Variants in SMAP1 observed in about 807,000 individuals in gnomAD.
The protein encoded by SMAP1 is stromal membrane-associated protein 1.
SMAP1 carries 24 observed loss-of-function variants against 58.5 expected under a neutral mutation model. The ratio of observed to expected loss-of-function variants is 0.41; its 90% CI spans 0.30 to 0.58. The LOEUF is 0.58. Among genes scored for constraint, SMAP1 ranks in the 20% least tolerant of loss-of-function variants. SMAP1 has a pLI of 0.29. For synonymous variants in SMAP1, 216 were observed against 196.6 expected (o/e 1.10, Z -0.82); for missense variants, 563 against 566.3 (o/e 0.99, Z 0.06).
At chr6:70,733,357 A>G (rs947080226) in intron 2 of SMAP1, among the ~76,000 whole-genome samples, 1 of 152,202 alleles carries the variant, frequency 6.6e-6, no homozygotes, top group Non-Finnish European at 1.5e-5. Context: ...TCCATCTTAA[A>G]TTAGTTTTTG....
chr6:70,714,299 T>A (rs1007976011), intron 1 of SMAP1, among the ~76,000 whole-genome samples: 4 of 152,182 alleles, frequency 2.6e-5, no homozygotes, highest in African/African-American at 9.6e-5. Context: ...GTTTTGTAGT[T>A]GTTTTGTCCT....
chr6:70,769,037 C>G (rs1306591406), intron 3 of SMAP1, among the ~76,000 whole-genome samples: 2 of 152,120 alleles, frequency 1.3e-5, no homozygotes, highest in African/African-American at 4.8e-5. Flanking sequence ...GCAGGTTGTT[C>G]AGTTTCCATG....
chr6:70,764,514 G>A (rs186933198), intron 3 of SMAP1, among the ~76,000 whole-genome samples: 1 of 152,224 alleles, frequency 6.6e-6, no homozygotes, highest in Non-Finnish European at 1.5e-5. Flanking sequence ...AAAATCCTAC[G>A]GCCCTTAAGA....
intron 1 of SMAP1, among the ~76,000 whole-genome samples, chr6:70,720,345 G>C (rs938931274): frequency 1.3e-5 from 2 of 152,216 alleles, no homozygotes; most frequent in African/African-American, 2.4e-5. Flanking sequence ...CTCTGCCCCT[G>C]TGGTTTTGCA....
chr6:70,793,898 C>T (rs1768483655), intron 5 of SMAP1, among the ~76,000 whole-genome samples: 2 of 151,872 alleles, frequency 1.3e-5, no homozygotes, highest in African/African-American at 2.4e-5. Flanking sequence ...CCATGCCTGG[C>T]TAATTATGTA....
intron 7 of SMAP1, among the ~76,000 whole-genome samples, chr6:70,850,984 A>C (rs1288533125): frequency 3.3e-5 from 5 of 152,156 alleles, no homozygotes; most frequent in Non-Finnish European, 5.9e-5. Flanking sequence ...TAGTTGTCTC[A>C]GTTTAAAATT....
At chr6:70,698,917 G>T (rs1767518163) in intron 1 of SMAP1, among the ~76,000 whole-genome samples, 1 of 152,154 alleles carries the variant, frequency 6.6e-6, no homozygotes, top group Non-Finnish European at 1.5e-5. Context: ...CATTTGGGGA[G>T]GTCATGTTTT....
intron 1 of SMAP1, among the ~76,000 whole-genome samples, chr6:70,679,649 A>G (rs1261286735): frequency 6.6e-6 from 1 of 152,238 alleles, no homozygotes; most frequent in Non-Finnish European, 1.5e-5. Flanking sequence ...AAACTGTGGG[A>G]TAAATTTAAC....
At chr6:70,683,248 G>T (rs1364996726) in intron 1 of SMAP1, among the ~76,000 whole-genome samples, 1 of 139,724 alleles carries the variant, frequency 7.2e-6, no homozygotes, top group African/African-American at 2.7e-5. Context: ...TCAGCTCATT[G>T]CAACCTCCGC....
chr6:70,704,379 T>C (rs1767753349), intron 1 of SMAP1, among the ~76,000 whole-genome samples: 1 of 152,210 alleles, frequency 6.6e-6, no homozygotes, highest in Admixed American at 6.5e-5. Flanking sequence ...ATAGAGGAAA[T>C]CTCCTGTGAT....
In SMAP1 at chr6:70,860,574, G is replaced by A. The variant is rs1339291524; in HGVS notation, c.*240G>A. ...CATATTTCCCATGATTTCATGTACT[G>A]CATTATTTGAGAAGCTGCTCAACTT... On this transcript the variant is annotated 3_prime_UTR_variant, in exon 11 of 11. Coordinates refer to ENST00000370455, the MANE Select transcript of SMAP1 (RefSeq NM_001044305.3). 9 of 439,770 alleles carry A rather than the reference G, an allele frequency of 2.0e-5. No individual in the cohort carries two copies. Among genetic ancestry groups the A allele is most frequent in the African/African-American group, 1.0e-4 (5 of 49,408 alleles). The allele number at this position is 439,770 out of a possible 1,614,324, so 27.2% of individuals were successfully genotyped here. A position where few individuals can be genotyped will look rare whatever the true frequency, so the allele number is the denominator to read the frequency against.
chr6:70,690,045 C>T (rs961977446), intron 1 of SMAP1, among the ~76,000 whole-genome samples: 2 of 151,932 alleles, frequency 1.3e-5, no homozygotes, highest in Non-Finnish European at 2.9e-5. Flanking sequence ...CTTTTATTTC[C>T]TTTTTCTTAT....
At chr6:70,759,816 C>A in intron 3 of SMAP1, 2 of 422,392 alleles carry the variant, frequency 4.7e-6, no homozygotes, top group South Asian at 3.4e-5. Context: ...AAATCCTTGA[C>A]GTTCGACACA....
intron 2 of SMAP1, among the ~76,000 whole-genome samples, chr6:70,741,523 C>T (rs1765814127): frequency 6.6e-6 from 1 of 152,162 alleles, no homozygotes; most frequent in African/African-American, 2.4e-5. Context: ...TGGCTTTGCC[C>T]CTGTGTCTTT....
chr6:70,853,788 G>A (rs1010176172), intron 8 of SMAP1, among the ~76,000 whole-genome samples: 1 of 152,138 alleles, frequency 6.6e-6, no homozygotes, highest in Non-Finnish European at 1.5e-5. Context: ...CTTACAAATT[G>A]GTACAGGCAT....
chr6:70,748,060 A>G (rs1266914062), intron 2 of SMAP1, among the ~76,000 whole-genome samples: 1 of 152,152 alleles, frequency 6.6e-6, no homozygotes, highest in Non-Finnish European at 1.5e-5. Context: ...TCCTGAGACC[A>G]AAAACGGTGG....
At chr6:70,812,167 C>T (rs547290692) in intron 6 of SMAP1, among the ~76,000 whole-genome samples, 3 of 152,268 alleles carry the variant, frequency 2.0e-5, no homozygotes, top group African/African-American at 7.2e-5. Context: ...CTGCTGTAGA[C>T]ACAAGATCTT....
At chr6:70,753,199 A>T (rs1277430164) in intron 2 of SMAP1, among the ~76,000 whole-genome samples, 2 of 152,316 alleles carry the variant, frequency 1.3e-5, no homozygotes, top group East Asian at 1.9e-4. Context: ...GACACCATCA[A>T]TTGTGAGATG....
intron 1 of SMAP1, among the ~76,000 whole-genome samples, chr6:70,700,232 C>G (rs984456431): frequency 2.0e-5 from 3 of 152,208 alleles, no homozygotes; most frequent in Non-Finnish European, 4.4e-5. Context: ...TAAAAGCTCC[C>G]TGAGGCTTCC....
Sources: allele counts gnomAD v4.1 joint callset (sites outside exome capture counted in the v4.1 genomes callset), GRCh38; gene constraint gnomAD v4.1.1; transcripts MANE v1.5; gene names NCBI Gene and HGNC (gene_info 2026-07-23, HGNC 2026-07-21).